The following MYT1L variants were observed in gnomAD, a reference collection of about 807,000 sequenced individuals.
MYT1L encodes the protein myelin transcription factor 1 like.
A neutral mutation model predicts 126.7 loss-of-function variants in MYT1L; 12 were observed. That is an observed-to-expected ratio of 0.09 (90% CI 0.06 to 0.15). MYT1L has a LOEUF of 0.15. Among genes scored for constraint, MYT1L ranks in the 10% least tolerant of loss-of-function variants. MYT1L has a pLI of 1.00. For synonymous variants in MYT1L, 541 were observed against 604.2 expected (o/e 0.90, Z 1.53); for missense variants, 979 against 1,585.2 (o/e 0.62, Z 6.49).
At chr2:2,029,268 C>T (rs1382972522) in intron 4 of MYT1L, among the ~76,000 whole-genome samples, 3 of 152,120 alleles carry the variant, frequency 2.0e-5, no homozygotes, top group Non-Finnish European at 1.5e-5. Flanking sequence ...TTCATCCATT[C>T]GCATGCTGCT....
chr2:1,887,342 T>C lies in MYT1L; in HGVS notation c.2642+146A>G. On this transcript the variant is annotated intron_variant, in intron 17 of 24. Transcript: ENST00000647738. This position sits in a 1 kb window ranked among gnomAD's most constrained non-coding sequence, Gnocchi z 4.8. ...GGCAAGTGCACGGTTAGCTGCTCAC[T>C]CTACTGACCCAGCAGTCGGAAACAT... is the stretch of plus-strand genomic sequence containing the variant. 1.9e-6 allele frequency: 2 copies of C among 1,038,050 alleles called. No homozygotes were observed. The highest frequency in any genetic ancestry group is 2.8e-6 in the Non-Finnish European group (2 of 702,836). 64.3% of individuals were successfully genotyped at this position (1,038,050 alleles called of 1,614,324 possible). A position where few individuals can be genotyped will look rare whatever the true frequency, so the allele number is the denominator to read the frequency against.
intron 3 of MYT1L, among the ~76,000 whole-genome samples, chr2:2,135,654 G>A (rs899114488): frequency 2.6e-5 from 4 of 152,186 alleles, no homozygotes; most frequent in African/African-American, 4.8e-5. Flanking sequence ...CAGAGTGGAC[G>A]GATGAAGAGA....
At chr2:2,148,797 A>G (rs1211523381) in intron 3 of MYT1L, among the ~76,000 whole-genome samples, 1 of 152,220 alleles carries the variant, frequency 6.6e-6, no homozygotes, top group African/African-American at 2.4e-5. Context: ...GTTAGTGCAC[A>G]GCATGAGCCT....
intron 4 of MYT1L, among the ~76,000 whole-genome samples, chr2:2,032,507 T>C (rs1195839854): frequency 3.7e-5 from 5 of 136,828 alleles, no homozygotes; most frequent in African/African-American, 1.1e-4. Flanking sequence ...TCTCATCCTG[T>C]GGCCCAGAGA....
intron 1 of MYT1L, chr2:2,325,668 G>A (rs1213275572): frequency 6.6e-6 from 1 of 152,202 alleles, no homozygotes; most frequent in Non-Finnish European, 1.5e-5. Context: ...GCTATGAAAG[G>A]CTACGTTAAA....
chr2:2,004,205 GAA>G (rs1558696826), intron 4 of MYT1L, among the ~76,000 whole-genome samples: 3 of 148,042 alleles, frequency 2.0e-5, no homozygotes, highest in Non-Finnish European at 4.5e-5. Context: ...GTTCTTTCCT[GAA>G]TGTGTTCTTT....
At chr2:2,118,141 C>T (rs1250649395) in intron 3 of MYT1L, among the ~76,000 whole-genome samples, 1 of 148,454 alleles carries the variant, frequency 6.7e-6, no homozygotes, top group African/African-American at 2.5e-5. Flanking sequence ...CAATAATATT[C>T]AATAATAATT....
At chr2:1,904,257 C>T (rs1343001811) in intron 13 of MYT1L, among the ~76,000 whole-genome samples, 2 of 152,298 alleles carry the variant, frequency 1.3e-5, no homozygotes, top group South Asian at 4.1e-4. Flanking sequence ...AAGGGTCCTG[C>T]GTTCTGTCCT....
chr2:2,060,461 A>C (rs1050650766), intron 3 of MYT1L, among the ~76,000 whole-genome samples: 4 of 152,214 alleles, frequency 2.6e-5, no homozygotes, highest in African/African-American at 9.6e-5. Flanking sequence ...CCAAAAATTC[A>C]AGAATGATCT....
intron 4 of MYT1L, among the ~76,000 whole-genome samples, chr2:2,038,186 C>T (rs1030839417): frequency 6.6e-6 from 1 of 152,212 alleles, no homozygotes; most frequent in African/African-American, 2.4e-5. Context: ...GAATGGCCTG[C>T]ACTGTTTAAG....
chr2:2,235,388 G>A (rs73913269), intron 2 of MYT1L, among the ~76,000 whole-genome samples: 1,105 of 64,974 alleles, frequency 0.017, 13 homozygotes, highest in African/African-American at 0.07. Flanking sequence ...AGGGGTGTGT[G>A]TAGCTGGTTA....
intron 3 of MYT1L, among the ~76,000 whole-genome samples, chr2:2,085,790 T>C (rs1371866389): frequency 1.3e-5 from 2 of 152,184 alleles, no homozygotes; most frequent in African/African-American, 2.4e-5. Flanking sequence ...GGCTTCCACA[T>C]GGGGTGCTGG....
chr2:2,066,987 C>T (rs1248583515), intron 3 of MYT1L, among the ~76,000 whole-genome samples: 13 of 152,176 alleles, frequency 8.5e-5, no homozygotes, highest in Non-Finnish European at 1.9e-4. Context: ...TAAACCACAT[C>T]GTGATTAGGA....
chr2:1,945,665 A>C (rs73910760), intron 8 of MYT1L, among the ~76,000 whole-genome samples: 1 of 152,034 alleles, frequency 6.6e-6, no homozygotes, highest in African/African-American at 2.4e-5. Context: ...GAAATGAAAA[A>C]ATATATATAT....
At chr2:2,097,064 C>T (rs2077527691) in intron 3 of MYT1L, among the ~76,000 whole-genome samples, 1 of 152,148 alleles carries the variant, frequency 6.6e-6, no homozygotes, top group African/African-American at 2.4e-5. Flanking sequence ...TCCCTGCAAC[C>T]ACAGGGAGCA....
intron 14 of MYT1L, among the ~76,000 whole-genome samples, chr2:1,900,703 C>A (rs2050229465): frequency 6.6e-6 from 1 of 152,242 alleles, no homozygotes; most frequent in South Asian, 2.1e-4. Flanking sequence ...AACACTTGCG[C>A]CTCTAAAATT....
chr2:2,162,389 CCA>C (rs1386057870), intron 3 of MYT1L, among the ~76,000 whole-genome samples: 1 of 152,104 alleles, frequency 6.6e-6, no homozygotes, highest in Non-Finnish European at 1.5e-5. Flanking sequence ...TGCCCGCGGT[CCA>C]CAGAGAAGGA....
In MYT1L at chr2:1,886,571, T is replaced by G. The variant is rs1275502948; in HGVS notation, c.2679A>C (p.Arg893=). ...CTTGGGAGCTGGTGGCCAGCATACT[T>G]CGAATGCTTTTGTCCGCCAGGGGGC... ...SGCPLADKSI[R]SMLATSSQEL... The change falls in exon 18 of 25, where the codon CGA becomes CGC. Residue 893 remains arginine, a synonymous_variant. Coordinates refer to ENST00000647738, the MANE Select transcript of MYT1L (RefSeq NM_001303052.2). The G allele has an allele frequency of 1.3e-6, 2 of 1,577,284 alleles. No individual in the cohort carries two copies. Among genetic ancestry groups the G allele is most frequent in the Admixed American group, 3.7e-5 (2 of 53,932 alleles).
At chr2:1,826,833 TG>T (rs2148216759) in intron 21 of MYT1L, 1 of 12,570 alleles carries the variant, frequency 8.0e-5, no homozygotes, top group African/African-American at 2.3e-4. Context: ...AGGAGTGGCG[TG>T]GGGGCAGGGG....
Sources: gnomAD v4.1 joint callset for allele counts (sites outside exome capture counted in the v4.1 genomes callset) on GRCh38, gnomAD v4.1.1 for gene constraint, Gnocchi (gnomAD v3.1) non-coding constraint, MANE v1.5 for transcripts, NCBI Gene and HGNC (gene_info 2026-07-23, HGNC 2026-07-21) for gene names.